The following TEP1 variants were observed in gnomAD, a reference collection of about 807,000 sequenced individuals.
TEP1 encodes telomerase protein component 1.
Under a neutral mutation model 306.3 loss-of-function variants are expected in TEP1, and 241 were observed. The ratio of observed to expected loss-of-function variants is 0.79; its 90% CI spans 0.71 to 0.88. The LOEUF (loss-of-function observed/expected upper bound fraction) is 0.88, where lower values mean the gene tolerates loss of function less well. TEP1 is among the 40% of genes least tolerant of loss of function. TEP1 has a pLI of 0.00. For synonymous variants in TEP1, 1,289 were observed against 1,305.5 expected (o/e 0.99, Z 0.27); for missense variants, 3,051 against 3,276.1 (o/e 0.93, Z 1.68).
chr14:20,403,602 C>T, intron 6 of TEP1, 121 bp downstream of exon 6: 1 of 1,586,552 alleles, frequency 6.3e-7, no homozygotes, highest in East Asian at 2.2e-5. Flanking sequence ...CTACCCAGCT[C>T]CCCTGCATTT....
At position 20,379,790 on chromosome 14, in the gene TEP1, A is replaced by C; in HGVS notation, c.5127+140T>G. ...TGCTGTGTGATTGATTTTTTGGCCA[A>C]GCCCTTTGAGCTGATGTGCAGGCAG... On this transcript the variant is annotated intron_variant, in intron 35 of 54. Coordinates refer to ENST00000262715, the MANE Select transcript of TEP1 (RefSeq NM_007110.5). 8 of 1,164,056 alleles carry C rather than the reference A, an allele frequency of 6.9e-6. No individual in the cohort carries two copies. In the South Asian group the frequency reaches 1.4e-4, roughly 20 times the overall value. 72.1% of individuals were successfully genotyped at this position (1,164,056 alleles called of 1,614,324 possible).
intron 18 of TEP1, 103 bp from the exon 19 acceptor site, chr14:20,386,726 C>G: frequency 7.8e-7 from 1 of 1,274,274 alleles, no homozygotes; most frequent in Non-Finnish European, 1.0e-6. Context: ...AAGCCAGGTA[C>G]GACAGACAGC....
At chr14:20,411,315 A>T (rs1669938765) in intron 1 of TEP1, among the ~76,000 whole-genome samples, 1 of 152,324 alleles carries the variant, frequency 6.6e-6, no homozygotes. Flanking sequence ...ATTAATTGCC[A>T]AGGTATCTCT....
At chr14:20,374,628 G>C in intron 43 of TEP1, 92 bp from the exon 44 acceptor site, 2 of 776,238 alleles carry the variant, frequency 2.6e-6, no homozygotes, top group Non-Finnish European at 4.1e-6. Context: ...GGTTAGCCAC[G>C]TAATTAAGGG....
Position 20,400,194 on chromosome 14 carries a change from GC to G in TEP1, c.1549+789del, listed in dbSNP as rs1878558057. Among the ~76,000 whole-genome samples the G allele has an allele frequency of 3.4e-5, 5 of 149,206 alleles. No homozygotes were observed. The South Asian group carries it at 1.1e-3, about 32-fold the overall frequency. ...TCTACATATACCGGCTTCTATCCAG[GC>G]CCCTTTATTCTACTCCACCCCAAGT... On this transcript the variant is annotated intron_variant, in intron 9 of 54. Coordinates refer to ENST00000262715, the MANE Select transcript of TEP1 (RefSeq NM_007110.5).
At chr14:20,404,800 T>A (rs367946608) in intron 4 of TEP1, 28 bp from the exon 5 acceptor site, 250 of 1,574,086 alleles carry the variant, frequency 1.6e-4, no homozygotes, top group Middle Eastern at 8.8e-4. Flanking sequence ...AGGACTAGAA[T>A]CTCAGTCACT....
chr14:20,385,274 AT>A (rs1216646828), intron 20 of TEP1, among the ~76,000 whole-genome samples, 165 bp from the exon 21 acceptor site: 7 of 151,030 alleles, frequency 4.6e-5, no homozygotes, highest in East Asian at 3.9e-4. Context: ...ATTTATTTTT[AT>A]TTTTTTTTCC....
In TEP1 at chr14:20,380,911, C is replaced by G; in HGVS notation, c.4762+20G>C. On this transcript the variant is annotated intron_variant, in intron 33 of 54. Transcript: ENST00000262715. ...GAGTCCCATATCTCAGAGAAGAACCCAGCCAGTGACTCATCTCACCATAGA... is the reference window on the plus strand; with the variant it reads ...GAGTCCCATATCTCAGAGAAGAACCGAGCCAGTGACTCATCTCACCATAGA... The G allele has an allele frequency of 6.2e-7, 1 of 1,602,364 alleles. No homozygotes were observed. The highest frequency in any genetic ancestry group is 8.6e-7 in the Non-Finnish European group (1 of 1,169,496).
At chr14:20,400,162 A>G (rs12884945) in intron 9 of TEP1, among the ~76,000 whole-genome samples, 1 of 135,148 alleles carries the variant, frequency 7.4e-6, no homozygotes, top group Non-Finnish European at 1.6e-5. Context: ...AAAAAAAAAA[A>G]GAATTATCTA....
At position 20,391,086 on chromosome 14, in the gene TEP1, T is replaced by G; in HGVS notation, c.2108A>C (p.Asn703Thr). Residue 703 changes from asparagine (N) to threonine (T), a missense_variant, in exon 14 of 55, where the codon AAC (asparagine) becomes ACC (threonine). Transcript: ENST00000262715. ...PKSNPQGPPLNYALLLIGMMI... is the reference protein window; with the variant it reads ...PKSNPQGPPLTYALLLIGMMI... ...CATCCCAATCAACAGCAGTGCATAGTTCAGCGGGGGCTGATTGGACAAGTG... is the reference window on the plus strand; with the variant it reads ...CATCCCAATCAACAGCAGTGCATAGGTCAGCGGGGGCTGATTGGACAAGTG... The G allele has an allele frequency of 6.2e-7, 1 of 1,614,064 alleles. No homozygotes were observed. The highest frequency in any genetic ancestry group is 8.5e-7 in the Non-Finnish European group (1 of 1,180,016).
At chr14:20,372,585 G>T in intron 49 of TEP1, 148 bp downstream of exon 49, 1 of 1,258,848 alleles carries the variant, frequency 7.9e-7, no homozygotes, top group Non-Finnish European at 1.1e-6. Flanking sequence ...CATTTACATT[G>T]CCATGGACAG....
rs1041421321 is a variant in TEP1 at position 20,373,564 on chromosome 14, C to G, written c.6624G>C (p.Glu2208Asp). 1 of 1,614,232 alleles carries G rather than the reference C, an allele frequency of 6.2e-7. No individual in the cohort carries two copies. The highest frequency in any genetic ancestry group is 1.1e-5 in the South Asian group (1 of 91,084). Residue 2208 changes from glutamate (E) to aspartate (D), a missense_variant, in exon 46 of 55, where the codon GAG becomes GAC. This residue lies in a region of TEP1 where 1,540 missense variants were observed against 1,705.9 expected (regional missense o/e 0.90). Coordinates refer to ENST00000262715, the MANE Select transcript of TEP1 (RefSeq NM_007110.5). ...EPRAAGQPGS[E>D]LLVVTVGLDG... ...CTAGCCCGACGGTTACCACCAGAAG[C>G]TCTGACCCAGGCTGTCCAGCTGATA...
intron 9 of TEP1, 148 bp from the exon 10 acceptor site, chr14:20,396,878 T>C: frequency 1.0e-5 from 5 of 483,368 alleles, no homozygotes; most frequent in Admixed American, 3.4e-5. Context: ...CTGGGCAACA[T>C]AGCAAGACTG....
At chr14:20,410,484 A>G (rs1397284381) in intron 1 of TEP1, among the ~76,000 whole-genome samples, 3 of 151,758 alleles carry the variant, frequency 2.0e-5, no homozygotes, top group Non-Finnish European at 4.4e-5. Flanking sequence ...GTGCAATGGC[A>G]CGATCTTGGC....
chr14:20,377,884 A>G, intron 39 of TEP1, 131 bp from the exon 40 acceptor site: 1 of 1,459,526 alleles, frequency 6.9e-7, no homozygotes, highest in South Asian at 1.2e-5. Context: ...CCCTGCACAC[A>G]GCGGCACCCC....
intron 2 of TEP1, among the ~76,000 whole-genome samples, chr14:20,406,948 A>G (rs903098650): frequency 1.3e-5 from 2 of 152,230 alleles, no homozygotes; most frequent in African/African-American, 4.8e-5. Flanking sequence ...TGTGAAGTAG[A>G]TTTTCATTAA....
chr14:20,383,332 C>A lies in TEP1; in HGVS notation c.3889G>T (p.Val1297Leu). 6.2e-7 allele frequency: 1 copy of A among 1,607,630 alleles called. No individual in the cohort carries two copies. The highest frequency in any genetic ancestry group is 8.5e-7 in the Non-Finnish European group (1 of 1,176,792). Reference protein sequence around the residue: ...LPRCVHLVLSVSSDAGLGETL... With the variant: ...LPRCVHLVLSLSSDAGLGETL... Reference sequence around the variant, plus strand: ...TCCCCTAGGCCTGCATCACTAGACACACTCAGCACCAGGTGTACACACTGT... The same window carrying A: ...TCCCCTAGGCCTGCATCACTAGACAAACTCAGCACCAGGTGTACACACTGT... Residue 1297 changes from valine (V) to leucine (L), a missense_variant, in exon 27 of 55, where the codon GTG (valine) becomes TTG (leucine). This residue lies in a region of TEP1 where 1,540 missense variants were observed against 1,705.9 expected (regional missense o/e 0.90). Transcript: ENST00000262715.
In TEP1 at chr14:20,378,806, A is replaced by G; in HGVS notation, c.5300T>C (p.Leu1767Pro). The G allele has an allele frequency of 6.2e-7, 1 of 1,614,232 alleles. No individual in the cohort carries two copies. ...AHQYQITGCC[L>P]SPDCRLLATV... ...GGCTAGCAGCCGGCAGTCTGGGCTC[A>G]GGCAGCAGCCAGTGATTTGGTACTG... The change falls in exon 37 of 55, where the codon CTG (leucine) becomes CCG (proline). Residue 1767 changes from leucine to proline, a missense_variant. Physicochemically the swap from Leu to Pro is moderately conservative, Grantham distance 98. This residue lies in a region of TEP1 where 1,540 missense variants were observed against 1,705.9 expected (regional missense o/e 0.90). Coordinates refer to ENST00000262715, the MANE Select transcript of TEP1 (RefSeq NM_007110.5).
rs1409595557 is a variant in TEP1, at chr14:20,400,996, C to T, written c.1537G>A (p.Glu513Lys). Residue 513 changes from glutamate (E) to lysine (K), a missense_variant, in exon 9 of 55, where the codon GAG (glutamate) becomes AAG (lysine). Around this residue, in one of 3 missense-constraint regions of TEP1, gnomAD observed 1,507 missense variants for 1,550.5 expected, o/e 0.97. Transcript: ENST00000262715. ...SLRGNKASVW[E>K]ELIENGKLPF... The stretch of plus-strand genomic sequence containing the variant: ...AAGGTCACTCTACCAATGAGTTCCT[C>T]CCAGACCGACGCTTTGTTCCCCCGT... The T allele has an allele frequency of 1.2e-6, 2 of 1,614,056 alleles. No individual in the cohort carries two copies. Among genetic ancestry groups the T allele is most frequent in the African/African-American group, 2.7e-5 (2 of 74,908 alleles).
Sources: gnomAD v4.1 joint callset for allele counts (sites outside exome capture counted in the v4.1 genomes callset) on GRCh38, gnomAD v4.1.1 for gene constraint, gnomAD v4.1.1 regional missense constraint, MANE v1.5 for transcripts, NCBI Gene and HGNC (gene_info 2026-07-23, HGNC 2026-07-21) for gene names.